Variants in MKLN1 observed in about 807,000 individuals in gnomAD.
MKLN1 encodes muskelin 1.
Under a neutral mutation model 99.0 loss-of-function variants are expected in MKLN1, and 18 were observed. The ratio of observed to expected loss-of-function variants is 0.18; its 90% CI spans 0.13 to 0.27. MKLN1 has a LOEUF of 0.27. MKLN1 is among the 10% of genes least tolerant of loss of function. The probability of loss-of-function intolerance (pLI) is 1.00; values close to 1 mark genes in which losing one functional copy is unlikely to be tolerated. For synonymous variants in MKLN1, 288 were observed against 293.2 expected, an observed-to-expected ratio of 0.98 and a Z score of 0.18; for missense variants, 621 against 875.9, an observed-to-expected ratio of 0.71 and a Z score of 3.67.
intron 8 of MKLN1, among the ~76,000 whole-genome samples, chr7:131,421,387 TTGAA>T (rs1204004324): frequency 6.6e-5 from 10 of 152,194 alleles, no homozygotes; most frequent in Non-Finnish European, 1.2e-4. Flanking sequence ...TCATCAATCT[TTGAA>T]AGAACCTTTC....
chr7:131,432,398 A>C (rs990671014), intron 9 of MKLN1, among the ~76,000 whole-genome samples: 2 of 152,220 alleles, frequency 1.3e-5, no homozygotes, highest in Non-Finnish European at 2.9e-5. Context: ...TTTAAAACTC[A>C]TGCTGGAAAA....
chr7:131,287,698 C>G (rs1798153641), intron 3 of MKLN1, among the ~76,000 whole-genome samples: 1 of 151,918 alleles, frequency 6.6e-6, no homozygotes, highest in African/African-American at 2.4e-5. Context: ...CCATTATAGC[C>G]CTGATATGGT....
At chr7:131,122,747 T>C (rs1412185112) in intron 1 of MKLN1, among the ~76,000 whole-genome samples, 2 of 151,774 alleles carry the variant, frequency 1.3e-5, no homozygotes, top group African/African-American at 2.4e-5. Context: ...GCGGGCCGGG[T>C]GCGGTGGCTC....
chr7:131,238,651 T>G (rs748028559), intron 3 of MKLN1, among the ~76,000 whole-genome samples: 8 of 152,246 alleles, frequency 5.3e-5, no homozygotes, highest in Non-Finnish European at 1.0e-4. Context: ...AAATGTCTTA[T>G]GGCTGAAGCC....
rs529184288 is a variant in MKLN1 at position 131,231,886 on chromosome 7, G to A, written c.-179+28912G>A. Among the ~76,000 whole-genome samples the A allele has an allele frequency of 4.6e-5, 7 of 152,206 alleles. No individual in the cohort carries two copies. In the East Asian group the frequency reaches 1.4e-3, roughly 29 times the overall value. On this transcript the variant is annotated intron_variant, in intron 3 of 7. Coordinates refer to the MKLN1 transcript ENST00000416992. ...AATGTCATGCTGAAGAACCACAAATGTCGCAAAATAAAAATAAAACGTGTG... is the reference window on the plus strand; with the variant it reads ...AATGTCATGCTGAAGAACCACAAATATCGCAAAATAAAAATAAAACGTGTG...
chr7:131,174,740 A>C (rs1415579331), intron 2 of MKLN1, among the ~76,000 whole-genome samples: 1 of 152,210 alleles, frequency 6.6e-6, no homozygotes, highest in African/African-American at 2.4e-5. Context: ...AGTTCTCAGT[A>C]CCAATCTTGA....
chr7:131,313,788 C>T (rs1798613147), intron 3 of MKLN1, among the ~76,000 whole-genome samples: 1 of 152,128 alleles, frequency 6.6e-6, no homozygotes, highest in East Asian at 1.9e-4. Flanking sequence ...AGGGCAGAGC[C>T]CATTAAGGAG....
rs781471428 is a variant in MKLN1 at position 131,466,363 on chromosome 7, C to T, written c.1876C>T (p.Pro626Ser). 6.2e-7 allele frequency: 1 copy of T among 1,601,660 alleles called. No individual in the cohort carries two copies. ...CTTCTGGTCACTGAAGTTGTGTAGA[C>T]CTTCAAAAGATTATTTACTGAGGCA... The part of the protein sequence containing the change: ...DDFWSLKLCR[P>S]SKDYLLRHCK... The change falls in exon 15 of 18, where the codon CCT becomes TCT. Residue 626 changes from proline to serine, a missense_variant. Pro to Ser is a moderately conservative substitution (Grantham distance 74, BLOSUM62 -1). Around this residue, in one of 8 missense-constraint regions of MKLN1, gnomAD observed 126 missense variants for 157.4 expected, o/e 0.80. Coordinates refer to ENST00000352689, the MANE Select transcript of MKLN1 (RefSeq NM_013255.5).
chr7:131,444,718 GAGTAGTAGTAGTAGTAGTAGT>G (rs60571380), intron 11 of MKLN1, among the ~76,000 whole-genome samples: 2 of 128,750 alleles, frequency 1.6e-5, no homozygotes, highest in South Asian at 2.6e-4. Context: ...CCTGGGTTTT[GAGTAGTAGTAGTAGTAGTAGT>G]AGTAGTAGTA....
chr7:131,427,161 C>T (rs190044653), intron 8 of MKLN1, among the ~76,000 whole-genome samples: 16 of 152,282 alleles, frequency 1.1e-4, no homozygotes, highest in African/African-American at 3.6e-4. Context: ...ATCCAGAAAG[C>T]AGTGAAGCAT....
chr7:131,180,480 C>A (rs1013847921), intron 2 of MKLN1, among the ~76,000 whole-genome samples: 3 of 152,128 alleles, frequency 2.0e-5, no homozygotes, highest in Non-Finnish European at 4.4e-5. Flanking sequence ...GGGCGGATCA[C>A]CTGAGGTCAG....
chr7:131,356,655 C>T (rs1477295266), intron 1 of MKLN1, among the ~76,000 whole-genome samples: 1 of 152,148 alleles, frequency 6.6e-6, no homozygotes, highest in Non-Finnish European at 1.5e-5. Flanking sequence ...TGTCGTGTCC[C>T]ACTGATGGGC....
At chr7:131,117,825 T>C (rs991059386) in intron 1 of MKLN1, among the ~76,000 whole-genome samples, 1 of 152,084 alleles carries the variant, frequency 6.6e-6, no homozygotes, top group Non-Finnish European at 1.5e-5. Flanking sequence ...TTAAAGAAAC[T>C]GATGATTGAT....
intron 3 of MKLN1, among the ~76,000 whole-genome samples, chr7:131,296,410 T>C (rs1237489409): frequency 3.3e-5 from 5 of 152,230 alleles, no homozygotes; most frequent in Admixed American, 3.3e-4. Flanking sequence ...GAGTCTATTT[T>C]ATATATCTTA....
chr7:131,273,960 T>C (rs1187885090), intron 3 of MKLN1, among the ~76,000 whole-genome samples: 1 of 152,204 alleles, frequency 6.6e-6, no homozygotes, highest in East Asian at 1.9e-4. Flanking sequence ...GGTTTTCATA[T>C]ATTGTTAAGC....
chr7:131,134,603 T>C (rs1194699192), intron 1 of MKLN1, among the ~76,000 whole-genome samples: 1 of 152,174 alleles, frequency 6.6e-6, no homozygotes, highest in African/African-American at 2.4e-5. Context: ...GTCAGTGTCA[T>C]TGCACTTCAA....
intron 3 of MKLN1, among the ~76,000 whole-genome samples, chr7:131,239,661 T>C (rs1221498474): frequency 6.6e-6 from 1 of 152,168 alleles, no homozygotes; most frequent in Non-Finnish European, 1.5e-5. Context: ...TTTTCTTGTT[T>C]GATACCAGAG....
intron 16 of MKLN1, among the ~76,000 whole-genome samples, chr7:131,472,947 C>CAAAAAAAAAAAAAAAA (rs34420594): frequency 1.2e-5 from 1 of 81,150 alleles, no homozygotes; most frequent in Non-Finnish European, 2.5e-5. Flanking sequence ...GATTCCATCT[C>CAAAAAAAAAAAAAAAA]AAAAAAAAAA....
chr7:131,486,511 A>G (rs1050729159), intron 17 of MKLN1, among the ~76,000 whole-genome samples: 4 of 152,122 alleles, frequency 2.6e-5, no homozygotes, highest in Non-Finnish European at 4.4e-5. Context: ...TGGCAATGTT[A>G]TGGTCTATTC....
Sources: gnomAD v4.1 joint callset for allele counts (sites outside exome capture counted in the v4.1 genomes callset) on GRCh38, gnomAD v4.1.1 for gene constraint, gnomAD v4.1.1 regional missense constraint, MANE v1.5 for transcripts, NCBI Gene and HGNC (gene_info 2026-07-23, HGNC 2026-07-21) for gene names.